DNAH6: variants seen among roughly 807,000 people sequenced by gnomAD.
The protein encoded by DNAH6 is axonemal beta dynein heavy chain 6.
Under a neutral mutation model 491.4 loss-of-function variants are expected in DNAH6, and 340 were observed. The ratio of observed to expected loss-of-function variants is 0.69; its 90% CI spans 0.63 to 0.76. The LOEUF (loss-of-function observed/expected upper bound fraction) is 0.76. DNAH6 is among the 30% of genes least tolerant of loss of function. The pLI is 0.00. For missense variants in DNAH6, 4,443 were observed against 4,972.2 expected, an observed-to-expected ratio of 0.89 and a Z score of 3.20; for synonymous variants, 1,603 against 1,686.1, an observed-to-expected ratio of 0.95 and a Z score of 1.21.
intron 29 of DNAH6, among the ~76,000 whole-genome samples, chr2:84,628,889 G>A (rs1688127650): frequency 6.6e-6 from 1 of 152,202 alleles, no homozygotes; most frequent in Non-Finnish European, 1.5e-5. Flanking sequence ...CCAGCTAAGA[G>A]ATAAAATGTT....
At chr2:84,523,927 T>G (rs980673875) in intron 2 of DNAH6, among the ~76,000 whole-genome samples, 8 of 152,092 alleles carry the variant, frequency 5.3e-5, no homozygotes, top group Non-Finnish European at 1.2e-4. Flanking sequence ...ATTCTGCTGT[T>G]TTGGGGTGGA....
intron 62 of DNAH6, among the ~76,000 whole-genome samples, chr2:84,743,036 C>T (rs1243164340): frequency 6.6e-6 from 1 of 152,110 alleles, no homozygotes; most frequent in African/African-American, 2.4e-5. Flanking sequence ...ATGTTATGCA[C>T]CAGTTAAATG....
chr2:84,575,292 C>T (rs1477256146), intron 12 of DNAH6, among the ~76,000 whole-genome samples: 3 of 152,120 alleles, frequency 2.0e-5, no homozygotes, highest in African/African-American at 7.2e-5. Flanking sequence ...CCTCAGAGAA[C>T]GACCAGCAGA....
At chr2:84,690,320 G>C (rs1015111969) in intron 45 of DNAH6, among the ~76,000 whole-genome samples, 2 of 152,082 alleles carry the variant, frequency 1.3e-5, no homozygotes, top group African/African-American at 4.8e-5. Flanking sequence ...ATTTATGTTT[G>C]TCACAGCTTA....
Position 84,536,808 on chromosome 2 carries a change from T to C in DNAH6, c.663-7425T>C, listed in dbSNP as rs1169725179. 3.3e-5 allele frequency among the ~76,000 whole-genome samples: 5 copies of C among 152,162 alleles called. No homozygotes were observed. In the East Asian group the frequency reaches 5.8e-4, roughly 18 times the overall value. On this transcript the variant is annotated intron_variant, in intron 4 of 76. Transcript: ENST00000389394. ...TTCATCATGTCTTGATTAGACATGA[T>C]GTAGCTACTTCAAAAAAGTTATGGT...
At chr2:84,762,359 G>A (rs956564170) in intron 63 of DNAH6, among the ~76,000 whole-genome samples, 1 of 152,184 alleles carries the variant, frequency 6.6e-6, no homozygotes, top group Non-Finnish European at 1.5e-5. Flanking sequence ...ATATAGTAAT[G>A]CTTAATTGTA....
intron 68 of DNAH6, among the ~76,000 whole-genome samples, chr2:84,790,337 G>C (rs1279334649): frequency 1.3e-5 from 2 of 152,048 alleles, no homozygotes; most frequent in Admixed American, 1.3e-4. Flanking sequence ...TTGTGATTTG[G>C]GGTTAGTCAC....
intron 10 of DNAH6, among the ~76,000 whole-genome samples, chr2:84,555,281 A>G (rs1679906089): frequency 6.6e-6 from 1 of 152,118 alleles, no homozygotes; most frequent in African/African-American, 2.4e-5. Flanking sequence ...TTGAATTCTA[A>G]TATTTCTTGG....
chr2:84,575,802 T>A (rs1004321836), intron 12 of DNAH6, among the ~76,000 whole-genome samples: 2 of 152,104 alleles, frequency 1.3e-5, no homozygotes, highest in Admixed American at 6.5e-5. Flanking sequence ...GAGAATGGTG[T>A]GAACCCAGGA....
chr2:84,675,497 C>T (rs1693153996), intron 40 of DNAH6, among the ~76,000 whole-genome samples: 1 of 152,142 alleles, frequency 6.6e-6, no homozygotes, highest in African/African-American at 2.4e-5. Flanking sequence ...ACCCCTATGG[C>T]CTTGTCTTCT....
At chr2:84,702,399 A>G (rs993550274) in intron 49 of DNAH6, among the ~76,000 whole-genome samples, 13 of 152,162 alleles carry the variant, frequency 8.5e-5, no homozygotes, top group Non-Finnish European at 1.9e-4. Context: ...ATGACCTACA[A>G]TTTTCTACAT....
intron 9 of DNAH6, among the ~76,000 whole-genome samples, chr2:84,552,269 A>G (rs1462721594): frequency 6.6e-6 from 1 of 152,128 alleles, no homozygotes; most frequent in East Asian, 1.9e-4. Context: ...ACTAGCTAGT[A>G]TGATCTGGAT....
At chr2:84,689,615 A>C (rs559479198) in intron 45 of DNAH6, among the ~76,000 whole-genome samples, 28 of 152,334 alleles carry the variant, frequency 1.8e-4, no homozygotes, top group African/African-American at 6.3e-4. Context: ...CTTGGAAGTC[A>C]CATAGCATCA....
At chr2:84,774,820 T>C (rs1253860427) in intron 64 of DNAH6, among the ~76,000 whole-genome samples, 1 of 152,146 alleles carries the variant, frequency 6.6e-6, no homozygotes, top group African/African-American at 2.4e-5. Flanking sequence ...CATTCCTTTC[T>C]TGATTTAGCT....
At chr2:84,664,984 G>C (rs1246886068) in intron 37 of DNAH6, among the ~76,000 whole-genome samples, 1 of 142,556 alleles carries the variant, frequency 7.0e-6, no homozygotes. Context: ...TGAACAACCT[G>C]CTCCTGAATG....
rs534428995 is a variant in DNAH6, at chr2:84,711,127, A to G, written c.9378+715A>G. On this transcript the variant is annotated intron_variant, in intron 56 of 76. Coordinates refer to ENST00000389394, the MANE Select transcript of DNAH6 (RefSeq NM_001370.2). ...AGAAACTTGTTATCAGAGGTTTGAA[A>G]GGGTAAAGAGGGGGCTGGGATAGTC... 3.3e-5 allele frequency among the ~76,000 whole-genome samples: 5 copies of G among 152,270 alleles called. No homozygotes were observed. The East Asian group carries it at 9.6e-4, about 29-fold the overall frequency.
chr2:84,694,172 T>G, intron 45 of DNAH6, 77 bp from the exon 46 acceptor site: 1 of 1,344,594 alleles, frequency 7.4e-7, no homozygotes, highest in Non-Finnish European at 1.0e-6. Context: ...CCACCAGCCT[T>G]TGGCTCTGGG....
intron 68 of DNAH6, among the ~76,000 whole-genome samples, chr2:84,792,226 G>A (rs1239098267): frequency 6.6e-6 from 1 of 152,180 alleles, no homozygotes; most frequent in African/African-American, 2.4e-5. Flanking sequence ...AGGATAGAAG[G>A]AGGAGGAAAA....
chr2:84,509,225 G>C, the DNAH6 span, among the ~76,000 whole-genome samples: 3 of 152,150 alleles, frequency 2.0e-5, no homozygotes, highest in Non-Finnish European at 4.4e-5. Flanking sequence ...AGGTCTCTAA[G>C]GACTTGCTTT....
Sources: gnomAD v4.1 joint callset for allele counts (sites outside exome capture counted in the v4.1 genomes callset) on GRCh38, gnomAD v4.1.1 for gene constraint, MANE v1.5 for transcripts, NCBI Gene and HGNC (gene_info 2026-07-23, HGNC 2026-07-21) for gene names.